The following PDE11A variants were observed in gnomAD, a reference collection of about 807,000 sequenced individuals.
The protein encoded by PDE11A is phosphodiesterase 11A.
In PDE11A, 100 loss-of-function variants were observed where a neutral mutation model predicts 100.5. The ratio of observed to expected loss-of-function variants is 1.00; its 90% CI spans 0.85 to 1.18. The LOEUF is 1.18. Ranked by LOEUF, PDE11A falls within the 50% of genes most tolerant of loss-of-function variation. PDE11A has a pLI of 0.00. For synonymous variants in PDE11A, 381 were observed against 420.8 expected (o/e 0.91, Z 1.16); for missense variants, 1,141 against 1,152.6 (o/e 0.99, Z 0.15).
intron 2 of PDE11A, among the ~76,000 whole-genome samples, chr2:178,082,748 T>C (rs1035407840): frequency 6.6e-6 from 1 of 152,170 alleles, no homozygotes; most frequent in Admixed American, 6.5e-5. Context: ...ACATCAAATG[T>C]AAAGCAGAGG....
intron 1 of PDE11A, among the ~76,000 whole-genome samples, chr2:178,054,913 G>C (rs1187378114): frequency 1.3e-5 from 2 of 152,196 alleles, no homozygotes; most frequent in Non-Finnish European, 2.9e-5. Context: ...CTGTAAACTA[G>C]TTCAACCATT....
intron 2 of PDE11A, among the ~76,000 whole-genome samples, chr2:177,968,795 C>A (rs2085731017): frequency 6.6e-6 from 1 of 152,156 alleles, no homozygotes; most frequent in African/African-American, 2.4e-5. Context: ...TATGGAGAAA[C>A]AGGAACACTT....
chr2:178,099,282 A>C (rs2087532659), intron 2 of PDE11A, among the ~76,000 whole-genome samples: 1 of 151,818 alleles, frequency 6.6e-6, no homozygotes, highest in African/African-American at 2.4e-5. Flanking sequence ...AACAACAGCA[A>C]AAAAAATTAG....
chr2:177,812,353 A>G (rs1191160456), intron 9 of PDE11A, among the ~76,000 whole-genome samples: 1 of 152,092 alleles, frequency 6.6e-6, no homozygotes, highest in Non-Finnish European at 1.5e-5. Flanking sequence ...TAAAATCGAC[A>G]CTTTAAATCT....
At chr2:177,669,674 A>G in intron 17 of PDE11A, 107 bp from the exon 18 acceptor site, 1 of 743,412 alleles carries the variant, frequency 1.3e-6, no homozygotes, top group South Asian at 1.4e-5. Context: ...ACAATCATTT[A>G]AAAAGCTTAT....
In PDE11A at chr2:177,851,442, G is replaced by C. The variant is rs568433054; in HGVS notation, c.1368-11059C>G. 6.8e-3 allele frequency among the ~76,000 whole-genome samples: 1,032 copies of C among 151,954 alleles called. 12 individuals carry two copies. Among genetic ancestry groups the C allele is most frequent in the African/African-American group, 0.023 (959 of 41,340 alleles). On this transcript the variant is annotated intron_variant, in intron 5 of 19. Transcript: ENST00000286063. The stretch of plus-strand genomic sequence containing the variant: ...GGAGATATACCTAATGCTAAATTAC[G>C]AGTTAATGGGTGCAGCACACCAACA...
intron 10 of PDE11A, among the ~76,000 whole-genome samples, 186 bp downstream of exon 10, chr2:177,769,137 A>T (rs1225511979): frequency 1.3e-5 from 2 of 152,178 alleles, no homozygotes; most frequent in African/African-American, 4.8e-5. Context: ...TTATAAAATG[A>T]CTACTCAGTT....
At chr2:177,711,946 A>G (rs1248297765) in intron 12 of PDE11A, 68 bp from the exon 13 acceptor site, 1 of 795,526 alleles carries the variant, frequency 1.3e-6, no homozygotes, top group Non-Finnish European at 2.2e-6. Flanking sequence ...TTAGGTGCTG[A>G]GCAACAGTCA....
At chr2:177,686,244 A>T (rs764149962) in intron 15 of PDE11A, among the ~76,000 whole-genome samples, 28 of 152,192 alleles carry the variant, frequency 1.8e-4, no homozygotes, top group Non-Finnish European at 2.9e-5. Flanking sequence ...AATCATGAGG[A>T]ACTCATCAAC....
At chr2:177,724,863 G>A (rs939213820) in intron 12 of PDE11A, among the ~76,000 whole-genome samples, 1 of 152,162 alleles carries the variant, frequency 6.6e-6, no homozygotes, top group Admixed American at 6.5e-5. Context: ...GCGCCATCTA[G>A]AGGAAGCCTC....
chr2:177,910,709 A>C (rs1038845748), intron 2 of PDE11A, among the ~76,000 whole-genome samples: 1 of 152,200 alleles, frequency 6.6e-6, no homozygotes, highest in Non-Finnish European at 1.5e-5. Flanking sequence ...ATCATTAAAC[A>C]GTGTAAAAAA....
intron 2 of PDE11A, among the ~76,000 whole-genome samples, chr2:177,949,442 T>C (rs1418207527): frequency 3.3e-5 from 5 of 152,148 alleles, no homozygotes; most frequent in Non-Finnish European, 7.4e-5. Context: ...GTTTCCTTCA[T>C]ATACGTATAT....
At chr2:178,095,253 C>G (rs2105885748) in intron 2 of PDE11A, among the ~76,000 whole-genome samples, 1 of 152,286 alleles carries the variant, frequency 6.6e-6, no homozygotes, top group African/African-American at 2.4e-5. Context: ...AATGGGGATA[C>G]AAACAATGGG....
At position 177,711,656 on chromosome 2, in the gene PDE11A, A is replaced by C. The variant is rs1319263760; in HGVS notation, c.2153+113T>G. 3 of 722,122 alleles carry C rather than the reference A, an allele frequency of 4.2e-6. No individual in the cohort carries two copies. The East Asian group carries it at 8.0e-5, about 19-fold the overall frequency. 44.7% of individuals were successfully genotyped at this position (722,122 alleles called of 1,614,324 possible). A position where few individuals can be genotyped will look rare whatever the true frequency, so the allele number is the denominator to read the frequency against. ...CCATGACATGCACGCCCAAGCCTGC[A>C]TGGCCTTGGCCTCGGATGCCAGAAA... On this transcript the variant is annotated intron_variant, in intron 13 of 19. Transcript: ENST00000286063.
At chr2:178,042,682 C>G (rs1559051992) in intron 1 of PDE11A, among the ~76,000 whole-genome samples, 1 of 152,096 alleles carries the variant, frequency 6.6e-6, no homozygotes, top group Non-Finnish European at 1.5e-5. Flanking sequence ...CTAGTCTCCC[C>G]ACAATGAGCC....
At chr2:177,714,747 G>T (rs1011261030) in intron 12 of PDE11A, among the ~76,000 whole-genome samples, 4 of 152,126 alleles carry the variant, frequency 2.6e-5, no homozygotes, top group Non-Finnish European at 5.9e-5. Flanking sequence ...TTGTTTCCTG[G>T]AGTTAGGATT....
chr2:177,740,219 C>T (rs2081852955), intron 10 of PDE11A, among the ~76,000 whole-genome samples: 2 of 152,170 alleles, frequency 1.3e-5, no homozygotes, highest in Non-Finnish European at 2.9e-5. Context: ...CAGAGCAAAA[C>T]TACCTTGGAA....
chr2:178,098,893 T>C (rs2105887721), intron 2 of PDE11A, among the ~76,000 whole-genome samples: 1 of 152,332 alleles, frequency 6.6e-6, no homozygotes, highest in Non-Finnish European at 1.5e-5. Context: ...AATAAGATAG[T>C]TTAGCTAATA....
intron 2 of PDE11A, 38 bp from the exon 3 acceptor site, chr2:177,905,225 G>T (rs778590864): frequency 9.0e-7 from 1 of 1,110,174 alleles, no homozygotes; most frequent in South Asian, 1.2e-5. Flanking sequence ...TAAAACATAA[G>T]AACATTGATA....
Sources: allele counts gnomAD v4.1 joint callset (sites outside exome capture counted in the v4.1 genomes callset), GRCh38; gene constraint gnomAD v4.1.1; transcripts MANE v1.5; gene names NCBI Gene and HGNC (gene_info 2026-07-23, HGNC 2026-07-21).